ACBD6: variants seen among roughly 807,000 people sequenced by gnomAD.
The protein encoded by ACBD6 is acyl-CoA-binding domain-containing protein 6.
A neutral mutation model predicts 37.2 loss-of-function variants in ACBD6; 28 were observed. The ratio of observed to expected loss-of-function variants is 0.75; its 90% confidence interval spans 0.56 to 1.03. ACBD6 has a LOEUF of 1.03. Among genes scored for constraint, ACBD6 ranks in the 50% least tolerant of loss-of-function variants. The pLI is 0.00. For missense variants in ACBD6, 340 were observed against 337.4 expected, an observed-to-expected ratio of 1.01 and a Z score of -0.06; for synonymous variants, 113 against 126.8, an observed-to-expected ratio of 0.89 and a Z score of 0.73.
At chr1:180,457,477 G>A (rs1649969213) in intron 3 of ACBD6, among the ~76,000 whole-genome samples, 1 of 109,742 alleles carries the variant, frequency 9.1e-6, no homozygotes, top group Non-Finnish European at 2.4e-5. Flanking sequence ...TCTTGTCTCA[G>A]TAGGGATCAC....
chr1:180,368,692 C>G (rs1335041342), intron 6 of ACBD6, among the ~76,000 whole-genome samples: 2 of 150,280 alleles, frequency 1.3e-5, no homozygotes, highest in Non-Finnish European at 3.0e-5. Flanking sequence ...GTGGATAGTA[C>G]CAAATCCTAC....
At chr1:180,476,539 A>C (rs1650794014) in intron 3 of ACBD6, among the ~76,000 whole-genome samples, 1 of 152,168 alleles carries the variant, frequency 6.6e-6, no homozygotes, top group African/African-American at 2.4e-5. Flanking sequence ...AAAACAAGAA[A>C]ACTCAGCCGG....
downstream of ACBD6, among the ~76,000 whole-genome samples, chr1:180,285,151 A>G (rs1283420471): frequency 6.6e-6 from 1 of 152,024 alleles, no homozygotes; most frequent in Admixed American, 6.6e-5. Flanking sequence ...AGACGAAAAA[A>G]CCCAAAAAAC....
chr1:180,272,182 G>T (rs1388194029), intron 13 of ACBD6, among the ~76,000 whole-genome samples: 1 of 152,058 alleles, frequency 6.6e-6, no homozygotes, highest in African/African-American at 2.4e-5. Flanking sequence ...CTTTACCATG[G>T]GACAGGAGTA....
intron 7 of ACBD6, among the ~76,000 whole-genome samples, chr1:180,306,933 G>A (rs1254088020): frequency 4.6e-5 from 7 of 152,156 alleles, no homozygotes; most frequent in Admixed American, 4.6e-4. Flanking sequence ...CAATCACTAT[G>A]GAGAACAGTT....
At chr1:180,483,269 T>C (rs1052146580) in intron 3 of ACBD6, among the ~76,000 whole-genome samples, 1 of 152,136 alleles carries the variant, frequency 6.6e-6, no homozygotes. Context: ...CTATGCTCAA[T>C]GTTACCTTTT....
intron 6 of ACBD6, among the ~76,000 whole-genome samples, chr1:180,379,813 G>T (rs1437300401): frequency 2.6e-5 from 4 of 152,172 alleles, no homozygotes; most frequent in Non-Finnish European, 5.9e-5. Context: ...AGAAGGCAAA[G>T]AGAAAACAAA....
intron 6 of ACBD6, among the ~76,000 whole-genome samples, chr1:180,387,089 A>G (rs1308389493): frequency 6.6e-6 from 1 of 152,188 alleles, no homozygotes; most frequent in Non-Finnish European, 1.5e-5. Context: ...AGTTCCAATA[A>G]TAATTTCATT....
chr1:180,497,652 T>G lies in ACBD6; in HGVS notation c.223-2127A>C, dbSNP rs534975971. Among the ~76,000 whole-genome samples, 42 of 152,352 alleles carry G rather than the reference T, an allele frequency of 2.8e-4. 1 individual carries two copies. Among genetic ancestry groups the G allele is most frequent in the African/African-American group, 7.2e-4 (30 of 41,588 alleles). On this transcript the variant is annotated intron_variant, in intron 1 of 7. Transcript: ENST00000367595. ...AGATGTTAACATAAATAACATTTCA[T>G]GCAAAATAACTACATATTCTAAAAA...
chr1:180,479,116 C>G (rs1233680993), intron 3 of ACBD6, among the ~76,000 whole-genome samples: 1 of 152,046 alleles, frequency 6.6e-6, no homozygotes. Flanking sequence ...CTGGGCAACA[C>G]AGCAAGACCT....
chr1:180,390,381 T>C (rs1382832575), intron 6 of ACBD6, among the ~76,000 whole-genome samples: 2 of 148,142 alleles, frequency 1.4e-5, no homozygotes, highest in Non-Finnish European at 3.0e-5. Context: ...TTGGTACCAG[T>C]GCCATGCTGT....
intron 7 of ACBD6, among the ~76,000 whole-genome samples, chr1:180,292,514 T>G (rs1166745844): frequency 6.6e-6 from 1 of 152,184 alleles, no homozygotes; most frequent in Non-Finnish European, 1.5e-5. Flanking sequence ...TGTTTTCGAA[T>G]TTTAATTTTC....
At chr1:180,477,810 C>CTTAT (rs946010540) in intron 3 of ACBD6, among the ~76,000 whole-genome samples, 1 of 152,068 alleles carries the variant, frequency 6.6e-6, no homozygotes, top group African/African-American at 2.4e-5. Flanking sequence ...CTGCAAAAAG[C>CTTAT]TTATTCTGCT....
chr1:180,335,385 C>T (rs1298022757), intron 6 of ACBD6, among the ~76,000 whole-genome samples: 1 of 151,672 alleles, frequency 6.6e-6, no homozygotes, highest in African/African-American at 2.4e-5. Flanking sequence ...GAATTTTCAA[C>T]CCAGAATTTC....
At chr1:180,461,182 C>G (rs1319085526) in intron 3 of ACBD6, among the ~76,000 whole-genome samples, 1 of 151,826 alleles carries the variant, frequency 6.6e-6, no homozygotes, top group Admixed American at 6.6e-5. Flanking sequence ...TGAAATAAGA[C>G]AAGCAGACAA....
At chr1:180,287,527 C>T (rs1210903719), downstream of ACBD6, 1 of 146,826 alleles carries the variant, frequency 6.8e-6, no homozygotes, top group Non-Finnish European at 1.5e-5. Flanking sequence ...GAAGTAACTT[C>T]ACATTAACAT....
chr1:180,420,309 T>C (rs1648302275), intron 4 of ACBD6, among the ~76,000 whole-genome samples: 1 of 152,248 alleles, frequency 6.6e-6, no homozygotes, highest in South Asian at 2.1e-4. Flanking sequence ...GTAAATCCTG[T>C]GAAGTCACAT....
At chr1:180,292,452 A>T (rs1477142537) in intron 7 of ACBD6, among the ~76,000 whole-genome samples, 1 of 152,222 alleles carries the variant, frequency 6.6e-6, no homozygotes, top group Non-Finnish European at 1.5e-5. Flanking sequence ...TTAAAAATTC[A>T]ATTTACTGTA....
intron 10 of ACBD6, chr1:180,274,443 A>G (rs760980223): frequency 1.2e-6 from 2 of 1,614,240 alleles, no homozygotes; most frequent in Non-Finnish European, 8.5e-7. Flanking sequence ...CATGCAGGGC[A>G]GGGAGTAAGC....
Sources: gnomAD v4.1 joint callset for allele counts (sites outside exome capture counted in the v4.1 genomes callset) on GRCh38, gnomAD v4.1.1 for gene constraint, MANE v1.5 for transcripts, NCBI Gene and HGNC (gene_info 2026-07-23, HGNC 2026-07-21) for gene names.